The following CLIP2 variants were observed in gnomAD, a reference collection of about 807,000 sequenced individuals.
The protein encoded by CLIP2 is CAP-Gly domain containing linker protein 2, also known as CAP-Gly domain-containing linker protein 2.
Under a neutral mutation model 111.7 loss-of-function variants are expected in CLIP2, and 41 were observed. The observed-to-expected ratio is 0.37, with a 90% confidence interval of 0.29 to 0.48. CLIP2 has a LOEUF of 0.48. CLIP2 is among the 20% of genes least tolerant of loss of function. The probability of loss-of-function intolerance (pLI) is 0.99; values close to 1 mark genes in which losing one functional copy is unlikely to be tolerated. For synonymous variants in CLIP2, 660 were observed against 644.2 expected (o/e 1.02, Z -0.37); for missense variants, 1,160 against 1,422.1 (o/e 0.82, Z 2.96).
At chr7:74,295,812 G>A (rs7800685) in intron 1 of CLIP2, among the ~76,000 whole-genome samples, 2 of 151,778 alleles carry the variant, frequency 1.3e-5, no homozygotes, top group African/African-American at 2.4e-5. Context: ...TGAGAGCAGC[G>A]TGGGCAACAG....
In CLIP2 at chr7:74,296,814, A is replaced by G. The variant is rs573946306; in HGVS notation, c.-68+7080A>G. The stretch of plus-strand genomic sequence containing the variant: ...AAAAAAAAAAAAAAAAAGAGAAAAG[A>G]AAAAGAAACCAACCCTGCTGATACC... On this transcript the variant is annotated intron_variant, in intron 1 of 16. Transcript: ENST00000223398. Among the ~76,000 whole-genome samples, 741 of 151,636 alleles carry G rather than the reference A, an allele frequency of 4.9e-3. 2 individuals carry two copies. The highest frequency in any genetic ancestry group is 8.9e-3 in the Admixed American group (135 of 15,180).
intron 14 of CLIP2, among the ~76,000 whole-genome samples, chr7:74,398,534 T>C (rs1431788799): frequency 6.6e-6 from 1 of 152,098 alleles, no homozygotes; most frequent in African/African-American, 2.4e-5. Context: ...GCCCAGACAT[T>C]GGGCTCAGCC....
intron 3 of CLIP2, among the ~76,000 whole-genome samples, chr7:74,346,504 C>G (rs76743962): frequency 1.3e-5 from 2 of 152,040 alleles, no homozygotes; most frequent in Non-Finnish European, 2.9e-5. Flanking sequence ...GGGTGAATCA[C>G]TTGAGGCCAG....
intron 8 of CLIP2, chr7:74,365,005 G>T (rs1790440043): frequency 1.1e-5 from 2 of 180,712 alleles, no homozygotes; most frequent in South Asian, 1.2e-4. Flanking sequence ...GTGTGTGTGT[G>T]TGTGTGTGTG....
chr7:74,371,611 GAGGGAGGGAAAC>G (rs782072830), intron 8 of CLIP2, among the ~76,000 whole-genome samples: 34 of 144,786 alleles, frequency 2.3e-4, no homozygotes, highest in Admixed American at 7.7e-4. Context: ...GAGAAGGAGG[GAGGGAGGGAAAC>G]AGGGAGGGGA....
Position 74,397,152 on chromosome 7 carries a change from G to C in CLIP2, c.2799G>C (p.Glu933Asp). 6.2e-7 allele frequency: 1 copy of C among 1,613,962 alleles called. No homozygotes were observed. The highest frequency in any genetic ancestry group is 1.1e-5 in the South Asian group (1 of 91,074). The change falls in exon 14 of 17, where the codon GAG (glutamate) becomes GAC (aspartate). Residue 933 changes from glutamate (E) to aspartate (D), a missense_variant. By Grantham distance (45) the Glu-to-Asp change is conservative. This residue lies in a region of CLIP2 where 676 missense variants were observed against 777.8 expected (regional missense o/e 0.87). Transcript: ENST00000223398. The part of the protein sequence containing the change: ...SPGPERDLSR[E>D]VHKAEWRIKE... ...GGCCGGAGAGGGACCTGAGCCGTGAGGTACACAAGGCTGAGTGGCGGATCA... is the reference window on the plus strand; with the variant it reads ...GGCCGGAGAGGGACCTGAGCCGTGACGTACACAAGGCTGAGTGGCGGATCA...
chr7:74,395,910 CT>C, intron 13 of CLIP2, among the ~76,000 whole-genome samples: 1 of 152,186 alleles, frequency 6.6e-6, no homozygotes, highest in Non-Finnish European at 1.5e-5. Context: ...TGCTCCCCGC[CT>C]CATGATTGCA....
chr7:74,403,351 A>T (rs991027711), intron 16 of CLIP2, among the ~76,000 whole-genome samples: 20 of 151,972 alleles, frequency 1.3e-4, no homozygotes, highest in Non-Finnish European at 1.0e-4. Context: ...TGGGTGGATC[A>T]TGAGGTCAGG....
At chr7:74,305,225 C>G (rs1404426256) in intron 1 of CLIP2, among the ~76,000 whole-genome samples, 3 of 151,910 alleles carry the variant, frequency 2.0e-5, no homozygotes, top group African/African-American at 7.2e-5. Context: ...CTTGGCATTG[C>G]CAGGCCTTTT....
intron 12 of CLIP2, chr7:74,388,738 T>A (rs1791190717): frequency 6.3e-6 from 1 of 159,124 alleles, no homozygotes; most frequent in Non-Finnish European, 1.4e-5. Flanking sequence ...GAGGTTGTAG[T>A]GAGCCAAGAT....
At chr7:74,291,615 G>A (rs1171706606) in intron 1 of CLIP2, among the ~76,000 whole-genome samples, 2 of 152,232 alleles carry the variant, frequency 1.3e-5, no homozygotes, top group Non-Finnish European at 2.9e-5. Flanking sequence ...TATAAGTGTT[G>A]TTGCTGCCGT....
In CLIP2 at chr7:74,347,644, A is replaced by G. The variant is rs114391164; in HGVS notation, c.679-6236A>G. ...TGGCGGCCACGCCTACTCCCTCTAC[A>G]ATGGAGATTACAGGAAACTTCTCTG... On this transcript the variant is annotated intron_variant, in intron 3 of 16. Transcript: ENST00000223398. Among the ~76,000 whole-genome samples the G allele has an allele frequency of 6.3e-3, 965 of 152,298 alleles. 9 individuals carry two copies. The highest frequency in any genetic ancestry group is 0.022 in the African/African-American group (913 of 41,586).
chr7:74,313,736 C>T (rs1291010603), intron 1 of CLIP2, among the ~76,000 whole-genome samples: 1 of 152,132 alleles, frequency 6.6e-6, no homozygotes, highest in Non-Finnish European at 1.5e-5. Context: ...CCCAGGCAGC[C>T]CCAGAGCAGG....
At chr7:74,373,961 G>A (rs1790708459) in intron 9 of CLIP2, among the ~76,000 whole-genome samples, 1 of 152,098 alleles carries the variant, frequency 6.6e-6, no homozygotes, top group South Asian at 2.1e-4. Context: ...CTCTGCTTGT[G>A]GGTGAGGCTT....
chr7:74,336,634 A>G lies in CLIP2; in HGVS notation c.122-1814A>G, dbSNP rs1305159309. 2.0e-5 allele frequency among the ~76,000 whole-genome samples: 3 copies of G among 152,194 alleles called. No individual in the cohort carries two copies. In the East Asian group the frequency reaches 5.8e-4, roughly 29 times the overall value. ...GGGTACCTCCCAAAACGTGGAAATT[A>G]TGGGAGCTACAATTCAAGATGAGAT... On this transcript the variant is annotated intron_variant, in intron 2 of 16. Coordinates refer to ENST00000223398, the MANE Select transcript of CLIP2 (RefSeq NM_003388.5).
chr7:74,297,508 CAA>C (rs1341939202), intron 1 of CLIP2, among the ~76,000 whole-genome samples: 1 of 151,962 alleles, frequency 6.6e-6, no homozygotes, highest in Admixed American at 6.6e-5. Flanking sequence ...AATAAGAAAA[CAA>C]AAGCAGGGCC....
rs1288035259 is a variant in CLIP2 at position 74,363,873 on chromosome 7, G to A, written c.1320-382G>A. Among the ~76,000 whole-genome samples the A allele has an allele frequency of 7.7e-5, 11 of 143,364 alleles. No individual in the cohort carries two copies. The Admixed American group carries it at 8.1e-4, about 11-fold the overall frequency. The allele number at this position is 143,364 out of a possible 152,430, so 94.1% of individuals were successfully genotyped here. Reference sequence around the variant, plus strand: ...ATCACACCAATGCACTCCAGCCTGGGCAACAGAGCGAGACTCTGTCTCAAA... The same window carrying A: ...ATCACACCAATGCACTCCAGCCTGGACAACAGAGCGAGACTCTGTCTCAAA... On this transcript the variant is annotated intron_variant, in intron 7 of 16. Coordinates refer to ENST00000223398, the MANE Select transcript of CLIP2 (RefSeq NM_003388.5).
At chr7:74,386,323 A>C in intron 11 of CLIP2, 198 bp from the exon 12 acceptor site, 1 of 450,524 alleles carries the variant, frequency 2.2e-6, no homozygotes, top group Non-Finnish European at 3.9e-6. Context: ...TACAGGCATG[A>C]GCCACCACGC....
At chr7:74,399,796 T>C (rs1324370537) in intron 14 of CLIP2, among the ~76,000 whole-genome samples, 19 of 151,790 alleles carry the variant, frequency 1.3e-4, no homozygotes, top group African/African-American at 4.6e-4. Flanking sequence ...TGCCTCGGCC[T>C]CCCAAAGTGC....
Sources: gnomAD v4.1 joint callset for allele counts (sites outside exome capture counted in the v4.1 genomes callset) on GRCh38, gnomAD v4.1.1 for gene constraint, gnomAD v4.1.1 regional missense constraint, MANE v1.5 for transcripts, NCBI Gene and HGNC (gene_info 2026-07-23, HGNC 2026-07-21) for gene names.